LRMDA: variants seen among roughly 807,000 people sequenced by gnomAD.
LRMDA encodes the protein leucine-rich melanocyte differentiation-associated protein.
LRMDA carries 18 observed loss-of-function variants against 29.8 expected under a neutral mutation model. The ratio of observed to expected loss-of-function variants is 0.60; its 90% confidence interval spans 0.42 to 0.90. The LOEUF (loss-of-function observed/expected upper bound fraction) is 0.90, where lower values mean the gene tolerates loss of function less well. Among genes scored for constraint, LRMDA ranks in the 40% least tolerant of loss-of-function variants. The pLI, the probability that LRMDA is intolerant of heterozygous loss-of-function variation, is 0.00. For missense variants in LRMDA, 273 were observed against 273.9 expected (o/e 1.00, Z 0.02); for synonymous variants, 125 against 109.4 (o/e 1.14, Z -0.89).
intron 2 of LRMDA, among the ~76,000 whole-genome samples, chr10:75,861,233 C>T (rs1244373892): frequency 6.6e-6 from 1 of 152,128 alleles, no homozygotes; most frequent in Non-Finnish European, 1.5e-5. Flanking sequence ...TTAACCAAGC[C>T]CATGGGGTTA....
chr10:75,587,754 C>T (rs1346269271), intron 2 of LRMDA, among the ~76,000 whole-genome samples: 1 of 152,206 alleles, frequency 6.6e-6, no homozygotes, highest in Non-Finnish European at 1.5e-5. Context: ...TGGGTGGCCC[C>T]AATCTAACGT....
chr10:76,021,310 T>C (rs1847970724), intron 2 of LRMDA, among the ~76,000 whole-genome samples: 1 of 152,152 alleles, frequency 6.6e-6, no homozygotes, highest in Non-Finnish European at 1.5e-5. Context: ...GCATTTCAAG[T>C]GAAGATAAAA....
intron 5 of LRMDA, among the ~76,000 whole-genome samples, chr10:76,266,549 G>A (rs1840008685): frequency 6.6e-6 from 1 of 152,104 alleles, no homozygotes; most frequent in East Asian, 1.9e-4. Flanking sequence ...TGAGGAAAGA[G>A]TCATTATCTC....
chr10:75,772,867 G>A (rs1349935538), intron 2 of LRMDA, among the ~76,000 whole-genome samples: 5 of 88,672 alleles, frequency 5.6e-5, no homozygotes, highest in African/African-American at 1.9e-4. Flanking sequence ...GGGGGGGTGG[G>A]ATGGGGGGGG....
chr10:76,021,725 C>G (rs1224166799), intron 2 of LRMDA, among the ~76,000 whole-genome samples: 1 of 152,194 alleles, frequency 6.6e-6, no homozygotes, highest in South Asian at 2.1e-4. Flanking sequence ...AGCTTTTTCT[C>G]TCACTCACTT....
intron 6 of LRMDA, among the ~76,000 whole-genome samples, chr10:76,533,790 G>A (rs1843262491): frequency 1.3e-5 from 2 of 152,184 alleles, no homozygotes; most frequent in South Asian, 4.1e-4. Context: ...TGTCATCAAT[G>A]TTTTGCTCCA....
intron 2 of LRMDA, among the ~76,000 whole-genome samples, chr10:75,808,297 G>A (rs1843893872): frequency 6.6e-6 from 1 of 152,160 alleles, no homozygotes; most frequent in African/African-American, 2.4e-5. Context: ...ATCAAAAGTG[G>A]CTGAGAACCA....
chr10:76,181,476 T>C (rs1851049263), intron 5 of LRMDA, among the ~76,000 whole-genome samples: 1 of 152,198 alleles, frequency 6.6e-6, no homozygotes, highest in African/African-American at 2.4e-5. Context: ...AACGCCTTTT[T>C]TCCCGTGGGT....
At chr10:76,197,612 A>G (rs1428553059) in intron 5 of LRMDA, among the ~76,000 whole-genome samples, 1 of 152,144 alleles carries the variant, frequency 6.6e-6, no homozygotes, top group Non-Finnish European at 1.5e-5. Flanking sequence ...ACAATAAAGA[A>G]TTAGCTGTTT....
At chr10:76,490,594 G>A (rs919212057) in intron 6 of LRMDA, among the ~76,000 whole-genome samples, 1 of 151,830 alleles carries the variant, frequency 6.6e-6, no homozygotes, top group African/African-American at 2.4e-5. Flanking sequence ...TATAAGCATA[G>A]CTACTCCTGC....
In LRMDA at chr10:76,557,251, C is replaced by CAG. The variant is rs1454203699; in HGVS notation, c.647_648dup (p.Gly217ArgfsTer23). The CAG allele has an allele frequency of 6.2e-7, 1 of 1,614,142 alleles. No individual in the cohort carries two copies. The highest frequency in any genetic ancestry group is 1.1e-5 in the South Asian group (1 of 91,086). On this transcript the variant is annotated frameshift_variant, in exon 7 of 7. Coordinates refer to ENST00000611255, the MANE Select transcript of LRMDA (RefSeq NM_001305581.2). LOFTEE classifies it high-confidence loss of function. ...CGCTACGTTTACTATGGGAAAAACT[C>CAG]AGAGGGCAACAGGTTTATCCGAGAT...
intron 5 of LRMDA, among the ~76,000 whole-genome samples, chr10:76,234,733 C>T (rs1472210413): frequency 6.6e-6 from 1 of 152,216 alleles, no homozygotes; most frequent in Non-Finnish European, 1.5e-5. Context: ...ATGAACCAAC[C>T]TCTCTTAGCT....
intron 2 of LRMDA, among the ~76,000 whole-genome samples, chr10:76,012,799 A>C (rs532534642): frequency 2.6e-4 from 40 of 152,304 alleles, no homozygotes; most frequent in African/African-American, 8.9e-4. Flanking sequence ...CTGTCTTTTC[A>C]TACAAGCTGA....
chr10:75,887,229 A>G (rs766179643), intron 2 of LRMDA, among the ~76,000 whole-genome samples: 2 of 151,542 alleles, frequency 1.3e-5, no homozygotes, highest in Non-Finnish European at 2.9e-5. Flanking sequence ...TTATAGAAAA[A>G]TACTGGCTTT....
chr10:75,763,980 C>T (rs996856356), intron 2 of LRMDA, among the ~76,000 whole-genome samples: 6 of 152,152 alleles, frequency 3.9e-5, no homozygotes, highest in African/African-American at 9.7e-5. Flanking sequence ...AGGTATCAAG[C>T]GTGCTGTCTT....
intron 2 of LRMDA, among the ~76,000 whole-genome samples, chr10:75,842,029 T>C (rs1266841638): frequency 1.3e-5 from 2 of 152,192 alleles, no homozygotes; most frequent in Non-Finnish European, 2.9e-5. Context: ...TCTGGGTCTT[T>C]CTCCATGCCA....
At chr10:76,198,476 C>G (rs1851371352) in intron 5 of LRMDA, among the ~76,000 whole-genome samples, 1 of 152,214 alleles carries the variant, frequency 6.6e-6, no homozygotes, top group African/African-American at 2.4e-5. Context: ...CTGTCACACT[C>G]AGCCCTGGCC....
chr10:75,478,026 G>A (rs1268571711), intron 2 of LRMDA, among the ~76,000 whole-genome samples: 1 of 152,220 alleles, frequency 6.6e-6, no homozygotes, highest in Non-Finnish European at 1.5e-5. Flanking sequence ...GGCCCCCGAG[G>A]CACAGCCTCT....
chr10:76,408,028 G>T (rs542387823), intron 6 of LRMDA, among the ~76,000 whole-genome samples: 1 of 152,250 alleles, frequency 6.6e-6, no homozygotes, highest in South Asian at 2.1e-4. Context: ...AAGAACGCAA[G>T]TTTCCCTACT....
Sources: allele counts gnomAD v4.1 joint callset (sites outside exome capture counted in the v4.1 genomes callset), GRCh38; gene constraint gnomAD v4.1.1; transcripts MANE v1.5; gene names NCBI Gene and HGNC (gene_info 2026-07-23, HGNC 2026-07-21).